The following TRAK1 variants were observed in gnomAD, a reference collection of about 807,000 sequenced individuals.
TRAK1 encodes trafficking kinesin-binding protein 1.
TRAK1 carries 33 observed loss-of-function variants against 92.1 expected under a neutral mutation model. The ratio of observed to expected loss-of-function variants is 0.36; its 90% CI spans 0.27 to 0.48. The LOEUF (loss-of-function observed/expected upper bound fraction) is 0.48. Ranked by LOEUF, TRAK1 falls within the 20% of genes least tolerant of loss-of-function variation. TRAK1 has a pLI of 0.99. For missense variants in TRAK1, 1,123 were observed against 1,257.9 expected, an observed-to-expected ratio of 0.89 and a Z score of 1.62; for synonymous variants, 521 against 517.3, an observed-to-expected ratio of 1.01 and a Z score of -0.10.
intron 1 of TRAK1, among the ~76,000 whole-genome samples, chr3:42,092,057 G>A (rs1280248708): frequency 2.0e-5 from 3 of 152,154 alleles, no homozygotes; most frequent in Non-Finnish European, 2.9e-5. Flanking sequence ...GAGTTAGACT[G>A]TCTCCCTCCC....
intron 2 of TRAK1, among the ~76,000 whole-genome samples, chr3:42,159,360 T>G (rs1660155896): frequency 6.6e-6 from 1 of 152,156 alleles, no homozygotes; most frequent in Non-Finnish European, 1.5e-5. Flanking sequence ...GCACAGAGAT[T>G]ACAGAATGAG....
At chr3:42,151,950 A>T (rs1700006537) in intron 2 of TRAK1, among the ~76,000 whole-genome samples, 1 of 152,236 alleles carries the variant, frequency 6.6e-6, no homozygotes, top group Middle Eastern at 3.2e-3. Flanking sequence ...CAGAATCATC[A>T]TTTATGTCAG....
chr3:42,220,146 C>T (rs1164615414), intron 15 of TRAK1, among the ~76,000 whole-genome samples: 1 of 152,114 alleles, frequency 6.6e-6, no homozygotes, highest in Non-Finnish European at 1.5e-5. Context: ...TTACTGAGCC[C>T]TGTGGAACCC....
At chr3:42,140,524 G>T (rs1459948804) in intron 2 of TRAK1, among the ~76,000 whole-genome samples, 2 of 152,200 alleles carry the variant, frequency 1.3e-5, no homozygotes, top group African/African-American at 4.8e-5. Context: ...CTACTCGGGA[G>T]GGTGAGGCAG....
intron 9 of TRAK1, among the ~76,000 whole-genome samples, chr3:42,194,170 C>T (rs1706237487): frequency 6.6e-6 from 1 of 152,216 alleles, no homozygotes; most frequent in South Asian, 2.1e-4. Flanking sequence ...TGAAACAATA[C>T]AACACAGAGC....
intron 10 of TRAK1, among the ~76,000 whole-genome samples, chr3:42,198,312 A>G (rs561224995): frequency 5.9e-5 from 9 of 152,348 alleles, no homozygotes; most frequent in African/African-American, 2.2e-4. Context: ...GTGAGAAGCC[A>G]TCAGTGACTA....
At position 42,211,320 on chromosome 3, in the gene TRAK1, G is replaced by A. The variant is rs576033662; in HGVS notation, c.1963+1335G>A. 1.2e-5 allele frequency: 12 copies of A among 985,104 alleles called. No individual in the cohort carries two copies. In the African/African-American group the frequency reaches 1.6e-4, roughly 13 times the overall value. The allele number at this position is 985,104 out of a possible 1,614,324, so 61.0% of individuals were successfully genotyped here. A position where few individuals can be genotyped will look rare whatever the true frequency, so the allele number is the denominator to read the frequency against. ...TTTCCTTGACATTAATTTTAGAGAA[G>A]TCATCAAGTCATGTGATTTGTTTAG... On this transcript the variant is annotated intron_variant, in intron 14 of 15. Transcript: ENST00000327628.
At chr3:42,044,197 G>T (rs1028323679) in intron 1 of TRAK1, among the ~76,000 whole-genome samples, 1 of 152,146 alleles carries the variant, frequency 6.6e-6, no homozygotes, top group Admixed American at 6.5e-5. Flanking sequence ...GTCTTGCTCT[G>T]TCGCCCAGGC....
At chr3:42,196,016 A>G (rs1443373720) in intron 10 of TRAK1, among the ~76,000 whole-genome samples, 1 of 151,740 alleles carries the variant, frequency 6.6e-6, no homozygotes, top group Non-Finnish European at 1.5e-5. Flanking sequence ...TGCCTTCCCC[A>G]CTCTCAAGGG....
chr3:42,079,611 C>G (rs1256308508), intron 1 of TRAK1, among the ~76,000 whole-genome samples: 1 of 151,768 alleles, frequency 6.6e-6, no homozygotes, highest in Non-Finnish European at 1.5e-5. Flanking sequence ...TCCCGAGTAG[C>G]TGGGACTACA....
chr3:42,016,806 G>A (rs904591467), intron 1 of TRAK1, among the ~76,000 whole-genome samples: 1 of 152,174 alleles, frequency 6.6e-6, no homozygotes, highest in African/African-American at 2.4e-5. Context: ...AGGCATTGGA[G>A]GGCGAACAGT....
chr3:42,042,044 G>A (rs1702564116), intron 1 of TRAK1, among the ~76,000 whole-genome samples: 1 of 152,014 alleles, frequency 6.6e-6, no homozygotes, highest in Non-Finnish European at 1.5e-5. Context: ...CGCTTGCCTC[G>A]GCCTCCCAAA....
In TRAK1 at chr3:42,202,483, C is replaced by T. The variant is rs1707768252; in HGVS notation, c.1475C>T (p.Ser492Phe). ...CCGGGGACGCCGGGCACCCCAGGCTCCCACGACCTGGAGACGGCGCTGAGG... is the reference window on the plus strand; with the variant it reads ...CCGGGGACGCCGGGCACCCCAGGCTTCCACGACCTGGAGACGGCGCTGAGG... ...KKPGTPGTPG[S>F]HDLETALRRL... The change falls in exon 13 of 16, where the codon TCC becomes TTC. Residue 492 changes from serine to phenylalanine, a missense_variant. Ser to Phe is a radical substitution (Grantham distance 155). Coordinates refer to ENST00000327628, the MANE Select transcript of TRAK1 (RefSeq NM_001042646.3). This position sits in a 1 kb window ranked among gnomAD's most constrained non-coding sequence, Gnocchi z 6.1. 6.7e-7 allele frequency: 1 copy of T among 1,502,164 alleles called. No individual in the cohort carries two copies. The highest frequency in any genetic ancestry group is 1.4e-5 in the South Asian group (1 of 73,206). 93.1% of individuals were successfully genotyped at this position (1,502,164 alleles called of 1,614,324 possible).
chr3:42,145,767 C>G (rs778828239), intron 2 of TRAK1: 16 of 223,458 alleles, frequency 7.2e-5, no homozygotes, highest in African/African-American at 2.4e-5. Flanking sequence ...ACTGAACAAC[C>G]TTTCAATTTC....
chr3:42,054,904 ATTTTT>A (rs1157067369), intron 1 of TRAK1, among the ~76,000 whole-genome samples: 79 of 37,038 alleles, frequency 2.1e-3, no homozygotes, highest in African/African-American at 2.9e-3. Flanking sequence ...AGCAAACTAG[ATTTTT>A]TTTTTTTTTT....
chr3:42,107,106 G>A (rs1250524111), intron 1 of TRAK1, among the ~76,000 whole-genome samples: 2 of 152,242 alleles, frequency 1.3e-5, no homozygotes, highest in East Asian at 3.8e-4. Context: ...AGGACAGGGG[G>A]AGGGATGTGG....
chr3:42,225,553 G>A lies in TRAK1; in HGVS notation c.*1816G>A, dbSNP rs996887362. 6.6e-6 allele frequency: 1 copy of A among 152,208 alleles called. No homozygotes were observed. Among genetic ancestry groups the A allele is most frequent in the South Asian group, 2.1e-4 (1 of 4,836 alleles). 9.4% of individuals were successfully genotyped at this position (152,208 alleles called of 1,614,324 possible). On this transcript the variant is annotated 3_prime_UTR_variant, in exon 16 of 16. Transcript: ENST00000327628. ...CAAAGGAATATGAAAACCATGGACTGAATGGACCATTTTATGTATTCAGAG... is the reference window on the plus strand; with the variant it reads ...CAAAGGAATATGAAAACCATGGACTAAATGGACCATTTTATGTATTCAGAG...
chr3:42,085,133 A>G (rs1704611120), upstream of TRAK1, among the ~76,000 whole-genome samples: 1 of 152,086 alleles, frequency 6.6e-6, no homozygotes, highest in East Asian at 1.9e-4. Context: ...TCATTTGGTA[A>G]GTATAAGGCA....
chr3:42,198,302 G>A (rs746174422), intron 10 of TRAK1, among the ~76,000 whole-genome samples: 5 of 152,184 alleles, frequency 3.3e-5, no homozygotes, highest in Non-Finnish European at 2.9e-5. Context: ...CATTGGTGAA[G>A]TGAGAAGCCA....
Sources: gnomAD v4.1 joint callset for allele counts (sites outside exome capture counted in the v4.1 genomes callset) on GRCh38, gnomAD v4.1.1 for gene constraint, Gnocchi (gnomAD v3.1) non-coding constraint, MANE v1.5 for transcripts, NCBI Gene and HGNC (gene_info 2026-07-23, HGNC 2026-07-21) for gene names.